Variants in ENAH observed in about 807,000 individuals in gnomAD.
ENAH encodes the protein protein enabled homolog.
In ENAH, 23 loss-of-function variants were observed where a neutral mutation model predicts 78.7. The ratio of observed to expected loss-of-function variants is 0.29; its 90% CI spans 0.21 to 0.41. The LOEUF is 0.41. ENAH is among the 10% of genes least tolerant of loss of function. ENAH has a pLI of 1.00. For synonymous variants in ENAH, 226 were observed against 241.0 expected, an observed-to-expected ratio of 0.94 and a Z score of 0.58; for missense variants, 544 against 691.0, an observed-to-expected ratio of 0.79 and a Z score of 2.39.
rs1663332158 is a variant in ENAH, at chr1:225,652,968, G to C, written c.-278C>G. 2.8e-6 allele frequency: 1 copy of C among 354,382 alleles called. No homozygotes were observed. The highest frequency in any genetic ancestry group is 5.0e-6 in the Non-Finnish European group (1 of 198,144). The allele number at this position is 354,382 out of a possible 1,614,324, so 22.0% of individuals were successfully genotyped here. ...GGCGGCCGCCGCCTCCCACCTCCTC[G>C]TGGTCCTGCTCCTCCTCCCGGAGCT... On this transcript the variant is annotated 5_prime_UTR_variant, in exon 1 of 14. Coordinates refer to ENST00000366843, the MANE Select transcript of ENAH (RefSeq NM_018212.6).
Position 225,489,259 on chromosome 1 carries a change from G to A in ENAH, c.*8516C>T, listed in dbSNP as rs892924022. The stretch of plus-strand genomic sequence containing the variant: ...TTACATGATTGGAATCAGTCTTTCT[G>A]AACGGCAGAATGTGCTTCCAGGTTG... On this transcript the variant is annotated 3_prime_UTR_variant, in exon 14 of 14. Transcript: ENST00000366843. 6.6e-6 allele frequency: 1 copy of A among 152,122 alleles called. No individual in the cohort carries two copies. The highest frequency in any genetic ancestry group is 2.4e-5 in the African/African-American group (1 of 41,404). 9.4% of individuals were successfully genotyped at this position (152,122 alleles called of 1,614,324 possible). A position where few individuals can be genotyped will look rare whatever the true frequency, so the allele number is the denominator to read the frequency against.
intron 1 of ENAH, among the ~76,000 whole-genome samples, chr1:225,598,667 A>G (rs1321625357): frequency 6.6e-6 from 1 of 152,134 alleles, no homozygotes; most frequent in Non-Finnish European, 1.5e-5. Context: ...ATTGGAAAAC[A>G]GGACAAAAAG....
intron 1 of ENAH, among the ~76,000 whole-genome samples, chr1:225,598,229 A>T (rs1480502975): frequency 6.6e-6 from 1 of 152,114 alleles, no homozygotes; most frequent in East Asian, 1.9e-4. Context: ...TTATTACTTT[A>T]ATCATTTGGA....
At chr1:225,502,994 T>C (rs2096292737) in intron 11 of ENAH, among the ~76,000 whole-genome samples, 2 of 152,216 alleles carry the variant, frequency 1.3e-5, no homozygotes, top group Admixed American at 1.3e-4. Flanking sequence ...TGCTATTTAA[T>C]TGGGCAAGTA....
At chr1:225,572,239 C>A (rs756486958) in intron 1 of ENAH, among the ~76,000 whole-genome samples, 43 of 152,026 alleles carry the variant, frequency 2.8e-4, no homozygotes, top group Non-Finnish European at 4.7e-4. Flanking sequence ...ATACTAACTC[C>A]GATTACAGGT....
intron 4 of ENAH, among the ~76,000 whole-genome samples, chr1:225,522,588 T>C (rs537204846): frequency 1.2e-4 from 19 of 152,302 alleles, no homozygotes; most frequent in African/African-American, 4.6e-4. Flanking sequence ...AGAAATTAGA[T>C]GTATTCAAAA....
chr1:225,649,588 A>G (rs901342701), intron 1 of ENAH, among the ~76,000 whole-genome samples: 5 of 152,208 alleles, frequency 3.3e-5, no homozygotes, highest in Non-Finnish European at 7.4e-5. Context: ...CAGGACACTA[A>G]AAGTACCAGC....
chr1:225,516,589 T>A (rs528382784), intron 6 of ENAH, among the ~76,000 whole-genome samples: 2 of 152,264 alleles, frequency 1.3e-5, no homozygotes, highest in South Asian at 4.1e-4. Flanking sequence ...GAAAGACATG[T>A]ATTAGCTGGG....
At chr1:225,563,376 G>A (rs568185583) in intron 2 of ENAH, among the ~76,000 whole-genome samples, 14 of 152,242 alleles carry the variant, frequency 9.2e-5, no homozygotes, top group African/African-American at 2.2e-4. Context: ...CAAGTTTAAC[G>A]GGAATGCTCT....
At chr1:225,566,310 CCT>C (rs2096734792) in intron 2 of ENAH, among the ~76,000 whole-genome samples, 1 of 151,974 alleles carries the variant, frequency 6.6e-6, no homozygotes, top group African/African-American at 2.4e-5. Flanking sequence ...CACAGCCCAA[CCT>C]CTCGTAGGCC....
intron 1 of ENAH, among the ~76,000 whole-genome samples, chr1:225,612,623 A>G (rs2096997090): frequency 6.6e-6 from 1 of 152,258 alleles, no homozygotes; most frequent in Non-Finnish European, 1.5e-5. Context: ...AAAAATTTTC[A>G]AAACAAAAAT....
chr1:225,602,139 T>C (rs1318097755), intron 1 of ENAH, among the ~76,000 whole-genome samples: 1 of 151,956 alleles, frequency 6.6e-6, no homozygotes, highest in African/African-American at 2.4e-5. Flanking sequence ...GACAAAATTA[T>C]CAGAAGAAAT....
chr1:225,608,110 C>A (rs2096966031), intron 1 of ENAH, among the ~76,000 whole-genome samples: 1 of 149,522 alleles, frequency 6.7e-6, no homozygotes, highest in Non-Finnish European at 1.5e-5. Flanking sequence ...GATACGCATC[C>A]GTGAAATAAG....
At chr1:225,551,436 T>C (rs540098949) in intron 3 of ENAH, among the ~76,000 whole-genome samples, 1 of 152,190 alleles carries the variant, frequency 6.6e-6, no homozygotes, top group East Asian at 1.9e-4. Context: ...TTTGAGGACG[T>C]AGGGGACACG....
chr1:225,576,701 A>T (rs1427316144), intron 1 of ENAH, among the ~76,000 whole-genome samples: 6 of 152,360 alleles, frequency 3.9e-5, no homozygotes. Context: ...GAGGCACCAT[A>T]GGAGCAAGCA....
chr1:225,597,804 C>T (rs1274150237), intron 1 of ENAH, among the ~76,000 whole-genome samples: 1 of 152,068 alleles, frequency 6.6e-6, no homozygotes, highest in Non-Finnish European at 1.5e-5. Flanking sequence ...ATAGATGATG[C>T]ATAAGGCCTA....
chr1:225,555,695 T>C (rs1390640059), intron 2 of ENAH, among the ~76,000 whole-genome samples: 1 of 152,168 alleles, frequency 6.6e-6, no homozygotes, highest in Non-Finnish European at 1.5e-5. Context: ...CCTAAGAGTG[T>C]ATCTCTCTGA....
chr1:225,556,557 C>T (rs1032044844), intron 2 of ENAH, among the ~76,000 whole-genome samples: 3 of 152,012 alleles, frequency 2.0e-5, no homozygotes, highest in Non-Finnish European at 2.9e-5. Flanking sequence ...TCTTTGATTT[C>T]TAAGCCCTTT....
chr1:225,498,251 A>G (rs1575286324), intron 13 of ENAH, 96 bp downstream of exon 13: 1 of 1,003,324 alleles, frequency 1.0e-6, no homozygotes, highest in Non-Finnish European at 1.5e-6. Flanking sequence ...ATTGCCCTCA[A>G]CTAATCAGCT....
Sources: gnomAD v4.1 joint callset for allele counts (sites outside exome capture counted in the v4.1 genomes callset) on GRCh38, gnomAD v4.1.1 for gene constraint, MANE v1.5 for transcripts, NCBI Gene and HGNC (gene_info 2026-07-23, HGNC 2026-07-21) for gene names.